Variants in ACAA2 observed in about 807,000 individuals in gnomAD.
ACAA2 encodes the protein acetyl-CoA acyltransferase 2, also known as 3-ketoacyl-CoA thiolase, mitochondrial.
Under a neutral mutation model 44.8 loss-of-function variants are expected in ACAA2, and 35 were observed. The ratio of observed to expected loss-of-function variants is 0.78; its 90% confidence interval spans 0.60 to 1.04. The LOEUF (loss-of-function observed/expected upper bound fraction) is 1.04. Ranked by LOEUF, ACAA2 falls within the 50% of genes least tolerant of loss-of-function variation. ACAA2 has a pLI of 0.00. For missense variants in ACAA2, 468 were observed against 482.6 expected (o/e 0.97, Z 0.28); for synonymous variants, 142 against 166.5 (o/e 0.85, Z 1.13).
intron 1 of ACAA2, among the ~76,000 whole-genome samples, chr18:49,803,272 TA>T (rs2023577311): frequency 6.7e-6 from 1 of 148,886 alleles, no homozygotes; most frequent in South Asian, 2.1e-4. Context: ...ATAATAATAA[TA>T]ATAATAATAT....
chr18:49,792,438 T>C, intron 5 of ACAA2, 111 bp from the exon 6 acceptor site: 1 of 976,516 alleles, frequency 1.0e-6, no homozygotes, highest in Non-Finnish European at 1.5e-6. Flanking sequence ...CAGTCTACTT[T>C]AATATTGAGT....
In ACAA2 at chr18:49,787,274, A is replaced by G; in HGVS notation, c.954+17T>C. The G allele has an allele frequency of 6.9e-7, 1 of 1,439,824 alleles. No individual in the cohort carries two copies. Among genetic ancestry groups the G allele is most frequent in the Non-Finnish European group, 9.1e-7 (1 of 1,096,816 alleles). 89.2% of individuals were successfully genotyped at this position (1,439,824 alleles called of 1,614,324 possible). The stretch of plus-strand genomic sequence containing the variant: ...ATTCATGTTGTTAAAAAAAAAAAAA[A>G]AAAAAAAAACACTTACCTCTACCAA... On this transcript the variant is annotated intron_variant, in intron 8 of 9. Transcript: ENST00000285093.
intron 3 of ACAA2, among the ~76,000 whole-genome samples, chr18:49,796,790 C>A (rs922957720): frequency 2.0e-5 from 3 of 152,006 alleles, no homozygotes; most frequent in Admixed American, 6.6e-5. Context: ...GACTGAGTAA[C>A]CTTAATGGCT....
intron 3 of ACAA2, among the ~76,000 whole-genome samples, chr18:49,796,598 T>C (rs1309568965): frequency 6.6e-6 from 1 of 152,232 alleles, no homozygotes; most frequent in African/African-American, 2.4e-5. Flanking sequence ...CAAATGTATT[T>C]AACCAACTGT....
chr18:49,785,841 T>A (rs2023322498), intron 8 of ACAA2: 1 of 156,656 alleles, frequency 6.4e-6, no homozygotes, highest in African/African-American at 2.4e-5. Flanking sequence ...AAGTACTCAA[T>A]AAGTGGTTGC....
chr18:49,797,253 GTTCA>G (rs1336207485), intron 3 of ACAA2, among the ~76,000 whole-genome samples: 1 of 148,000 alleles, frequency 6.8e-6, no homozygotes, highest in African/African-American at 2.5e-5. Flanking sequence ...CCACTTTCAG[GTTCA>G]TTATTAGCTT....
At chr18:49,800,173 G>T (rs1223538162) in intron 2 of ACAA2, among the ~76,000 whole-genome samples, 1 of 30,110 alleles carries the variant, frequency 3.3e-5, no homozygotes, top group Non-Finnish European at 7.3e-5. Flanking sequence ...CTGGGAGGGA[G>T]GTGGGGGGTC....
chr18:49,795,538 T>C (rs2023455147), intron 4 of ACAA2, among the ~76,000 whole-genome samples: 1 of 152,198 alleles, frequency 6.6e-6, no homozygotes. Flanking sequence ...ACTAGAGGTC[T>C]GCTGAGATAG....
At chr18:49,793,540 G>A (rs1362949514) in intron 5 of ACAA2, among the ~76,000 whole-genome samples, 1 of 152,124 alleles carries the variant, frequency 6.6e-6, no homozygotes, top group Non-Finnish European at 1.5e-5. Flanking sequence ...AAAAACACAC[G>A]AGTTAGATGG....
At chr18:49,798,209 G>A (rs1230971666) in intron 2 of ACAA2, among the ~76,000 whole-genome samples, 1 of 152,140 alleles carries the variant, frequency 6.6e-6, no homozygotes, top group Admixed American at 6.5e-5. Context: ...CTTTTAAAAA[G>A]CATCCCAAGT....
At chr18:49,800,174 G>A (rs1446676837) in intron 2 of ACAA2, among the ~76,000 whole-genome samples, 3 of 30,278 alleles carry the variant, frequency 9.9e-5, no homozygotes, top group South Asian at 1.9e-3. Context: ...TGGGAGGGAG[G>A]TGGGGGGTCA....
At chr18:49,812,795 T>C (rs2143988581) in intron 1 of ACAA2, 2 of 152,362 alleles carry the variant, frequency 1.3e-5, no homozygotes, top group Middle Eastern at 6.8e-3. Flanking sequence ...AGCTTTTTCC[T>C]GTCTCAGGGC....
At chr18:49,811,746 GTTA>G (rs1250837181) in intron 1 of ACAA2, among the ~76,000 whole-genome samples, 2 of 152,046 alleles carry the variant, frequency 1.3e-5, no homozygotes, top group African/African-American at 2.4e-5. Context: ...AACTACCTGT[GTTA>G]TTATACACAA....
rs1278266601 is a variant in ACAA2 at position 49,787,230 on chromosome 18, C to G, written c.954+61G>C. 2.5e-6 allele frequency: 3 copies of G among 1,210,446 alleles called. No homozygotes were observed. In the African/African-American group the frequency reaches 5.3e-5, roughly 22 times the overall value. The allele number at this position is 1,210,446 out of a possible 1,614,324, so 75.0% of individuals were successfully genotyped here. A position where few individuals can be genotyped will look rare whatever the true frequency, so the allele number is the denominator to read the frequency against. On this transcript the variant is annotated intron_variant, in intron 8 of 9. Transcript: ENST00000285093. ...TGAGACCAAATTAAAGTCATTTATG[C>G]TATAAAAGTACATGGTTTATTCATG...
At chr18:49,796,249 T>C (rs1348153276) in intron 3 of ACAA2, among the ~76,000 whole-genome samples, 1 of 152,126 alleles carries the variant, frequency 6.6e-6, no homozygotes, top group Admixed American at 6.5e-5. Context: ...AAAGAAAAAT[T>C]TATCCCATTA....
In ACAA2 at chr18:49,792,325, T is replaced by G. The variant is rs759116415; in HGVS notation, c.580A>C (p.Asn194His). ...LQSQQRWKAA[N>H]DAGYFNDEMA... is the part of the protein sequence containing the mutation. ...TCATCATTAAAGTAGCCAGCATCAT[T>G]AGCTGAAAAATAGTAGAGAGACTAT... The change falls in exon 6 of 10, where the codon AAT (asparagine) becomes CAT (histidine). Residue 194 changes from asparagine to histidine, a missense_variant and splice_region_variant. Physicochemically the swap from Asn to His is moderately conservative, Grantham distance 68 (BLOSUM62 1). Coordinates refer to ENST00000285093, the MANE Select transcript of ACAA2 (RefSeq NM_006111.3). 6.2e-7 allele frequency: 1 copy of G among 1,611,954 alleles called. No homozygotes were observed.
At chr18:49,799,222 C>T (rs928843402) in intron 2 of ACAA2, among the ~76,000 whole-genome samples, 24 of 152,066 alleles carry the variant, frequency 1.6e-4, no homozygotes, top group Admixed American at 3.9e-4. Context: ...CTCCCTCTCC[C>T]CCTCCTCCTC....
chr18:49,782,978 C>G lies in ACAA2; in HGVS notation c.*869G>C, dbSNP rs2023284109. 6.6e-6 allele frequency: 1 copy of G among 151,926 alleles called. No homozygotes were observed. Among genetic ancestry groups the G allele is most frequent in the Admixed American group, 6.6e-5 (1 of 15,264 alleles). 9.4% of individuals were successfully genotyped at this position (151,926 alleles called of 1,614,324 possible). A position where few individuals can be genotyped will look rare whatever the true frequency, so the allele number is the denominator to read the frequency against. On this transcript the variant is annotated 3_prime_UTR_variant, in exon 10 of 10. Coordinates refer to ENST00000285093, the MANE Select transcript of ACAA2 (RefSeq NM_006111.3). ...GGCCTTGCCCTACTAGATATCCAGT[C>G]TTAGAACAGACAAATAAAGCAATGG...
chr18:49,799,477 G>C (rs959946152), intron 2 of ACAA2, among the ~76,000 whole-genome samples: 1 of 152,212 alleles, frequency 6.6e-6, no homozygotes, highest in South Asian at 2.1e-4. Context: ...TCGGCCTCCC[G>C]GGGTGCTGGG....
Sources: gnomAD v4.1 joint callset for allele counts (sites outside exome capture counted in the v4.1 genomes callset) on GRCh38, gnomAD v4.1.1 for gene constraint, MANE v1.5 for transcripts, NCBI Gene and HGNC (gene_info 2026-07-23, HGNC 2026-07-21) for gene names.